Variants in DIS3 observed in about 807,000 individuals in gnomAD.
DIS3 encodes the protein DIS3 exosome endoribonuclease and 3'-5' exoribonuclease.
A neutral mutation model predicts 113.0 loss-of-function variants in DIS3; 103 were observed. That is an observed-to-expected ratio of 0.91 (90% confidence interval 0.78 to 1.07). The LOEUF (loss-of-function observed/expected upper bound fraction) is 1.07, where lower values mean the gene tolerates loss of function less well. DIS3 is among the 50% of genes least tolerant of loss of function. The pLI is 0.00. For missense variants in DIS3, 1,121 were observed against 1,167.1 expected (o/e 0.96, Z 0.58); for synonymous variants, 402 against 394.3 (o/e 1.02, Z -0.23).
Position 72,754,988 on chromosome 13 carries a change from C to G in DIS3, c.*4807G>C. The G allele has an allele frequency of 1.7e-6, 1 of 583,550 alleles. No homozygotes were observed. The highest frequency in any genetic ancestry group is 3.0e-6 in the Non-Finnish European group (1 of 335,154). The allele number at this position is 583,550 out of a possible 1,614,324, so 36.1% of individuals were successfully genotyped here. A position where few individuals can be genotyped will look rare whatever the true frequency, so the allele number is the denominator to read the frequency against. The stretch of plus-strand genomic sequence containing the variant: ...CTTGGCCTCTCAAAGTGTTGGGATG[C>G]TTTTTGATGCAGAATATTGATTTAT... On this transcript the variant is annotated 3_prime_UTR_variant, in exon 21 of 21. Coordinates refer to ENST00000377767, the MANE Select transcript of DIS3 (RefSeq NM_014953.5).
At chr13:72,775,827 C>A in intron 5 of DIS3, 98 bp downstream of exon 5, 1 of 1,046,710 alleles carries the variant, frequency 9.6e-7, no homozygotes, top group Non-Finnish European at 1.3e-6. Context: ...GTATGTGAAG[C>A]CTCATATGTT....
At chr13:72,781,513 G>T in intron 1 of DIS3, 92 bp downstream of exon 1, 1 of 1,438,210 alleles carries the variant, frequency 7.0e-7, no homozygotes, top group Non-Finnish European at 9.2e-7. Flanking sequence ...ATGTGACACT[G>T]CCAAAGACCC....
At chr13:72,768,595 G>A (rs982374915) in intron 14 of DIS3, among the ~76,000 whole-genome samples, 190 bp downstream of exon 14, 4 of 152,182 alleles carry the variant, frequency 2.6e-5, no homozygotes, top group Admixed American at 2.6e-4. Context: ...AGTCAGCCGA[G>A]ATTGTGCCAT....
At chr13:72,773,854 A>G in intron 7 of DIS3, 33 bp from the exon 8 acceptor site, 1 of 1,597,230 alleles carries the variant, frequency 6.3e-7, no homozygotes, top group Non-Finnish European at 8.5e-7. Flanking sequence ...ATTTTACACA[A>G]AAAAAATCTG....
Position 72,781,731 on chromosome 13 carries a change from G to T in DIS3, c.102C>A (p.Pro34=). 1 of 1,586,234 alleles carries T rather than the reference G, an allele frequency of 6.3e-7. No individual in the cohort carries two copies. Residue 34 remains proline (P), a synonymous_variant, in exon 1 of 21, where the codon CCC becomes CCA. Coordinates refer to ENST00000377767, the MANE Select transcript of DIS3 (RefSeq NM_014953.5). ...YLRDDIGCGA[P]GCAACGGAHE... The stretch of plus-strand genomic sequence containing the variant: ...GCGCCCCTCCACACGCTGCGCACCC[G>T]GGCGCACCGCAGCCGATGTCGTCTC...
At chr13:72,764,401 C>A (rs990949484) in intron 15 of DIS3, among the ~76,000 whole-genome samples, 3 of 152,122 alleles carry the variant, frequency 2.0e-5, no homozygotes, top group Admixed American at 6.5e-5. Flanking sequence ...TGGATACTTA[C>A]AATGGGTCAG....
rs1330858013 is a variant in DIS3 at position 72,780,916 on chromosome 13, A to G, written c.316T>C (p.Tyr106His). Residue 106 changes from tyrosine to histidine, a missense_variant, in exon 2 of 21, where the codon TAT becomes CAT. Tyr to His is a moderately conservative substitution (Grantham distance 83, BLOSUM62 2). Coordinates refer to ENST00000377767, the MANE Select transcript of DIS3 (RefSeq NM_014953.5). ...QEVRNRSAPV[Y>H]KRIRDVTNNQ... Reference sequence around the variant, plus strand: ...TTAGTCACATCTCGGATGCGTTTATATACGGGGGCACTGCGATTTCTCACT... The same window carrying G: ...TTAGTCACATCTCGGATGCGTTTATGTACGGGGGCACTGCGATTTCTCACT... The G allele has an allele frequency of 6.2e-7, 1 of 1,613,384 alleles. No homozygotes were observed. The highest frequency in any genetic ancestry group is 2.2e-5 in the East Asian group (1 of 44,852).
chr13:72,775,868 TAA>T (rs1178574751), intron 5 of DIS3, 55 bp downstream of exon 5: 1 of 1,388,158 alleles, frequency 7.2e-7, no homozygotes, highest in Non-Finnish European at 9.8e-7. Context: ...TAAGTGTTCA[TAA>T]TATATAAAAT....
In DIS3 at chr13:72,781,813, A is replaced by G; in HGVS notation, c.20T>C (p.Phe7Ser). 6.2e-7 allele frequency: 1 copy of G among 1,601,120 alleles called. No individual in the cohort carries two copies. Among genetic ancestry groups the G allele is most frequent in the South Asian group, 1.1e-5 (1 of 89,210 alleles). The change falls in exon 1 of 21, where the codon TTC (phenylalanine) becomes TCC (serine). Residue 7 changes from phenylalanine to serine, a missense_variant. Coordinates refer to ENST00000377767, the MANE Select transcript of DIS3 (RefSeq NM_014953.5). MLKSKT[F>S]LKKTRAGGVM... ...GCCGCCCGCCCGGGTCTTTTTTAAG[A>G]ACGTCTTGGACTTGAGCATCTTGCC...
chr13:72,781,468 G>T, intron 1 of DIS3, 137 bp downstream of exon 1: 1 of 1,443,936 alleles, frequency 6.9e-7, no homozygotes, highest in East Asian at 2.5e-5. Context: ...GGAACAGGAA[G>T]CTTCGGTCCC....
At chr13:72,778,073 T>G in intron 3 of DIS3, 114 bp downstream of exon 3, 1 of 920,894 alleles carries the variant, frequency 1.1e-6, no homozygotes, top group Non-Finnish European at 1.5e-6. Flanking sequence ...CACATGAAGT[T>G]ATATAGGACT....
chr13:72,761,538 A>G lies in DIS3; in HGVS notation c.2512-17T>C. ...GAAGAATAACTGTAAAATAACATAC[A>G]ACTTATTTAAATTGTCTTAAAAATT... On this transcript the variant is annotated splice_polypyrimidine_tract_variant and intron_variant, in intron 18 of 20. Transcript: ENST00000377767. 1 of 1,551,028 alleles carries G rather than the reference A, an allele frequency of 6.4e-7. No homozygotes were observed. Among genetic ancestry groups the G allele is most frequent in the Admixed American group, 2.2e-5 (1 of 45,558 alleles).
chr13:72,776,705 A>G (rs1386027689), intron 4 of DIS3, among the ~76,000 whole-genome samples: 1 of 152,200 alleles, frequency 6.6e-6, no homozygotes, highest in East Asian at 1.9e-4. Context: ...ATTGCTAAAC[A>G]TTATATATTT....
At chr13:72,761,571 A>C in intron 18 of DIS3, 50 bp from the exon 19 acceptor site, 1 of 1,524,016 alleles carries the variant, frequency 6.6e-7, no homozygotes, top group African/African-American at 1.4e-5. Flanking sequence ...ATTTTTAAAT[A>C]AACAAAAAAT....
In DIS3 at chr13:72,771,711, A is replaced by T. The variant is rs2033889550; in HGVS notation, c.1605+84T>A. 8 of 1,321,652 alleles carry T rather than the reference A, an allele frequency of 6.1e-6. No individual in the cohort carries two copies. The Admixed American group carries it at 1.7e-4, about 28-fold the overall frequency. 81.9% of individuals were successfully genotyped at this position (1,321,652 alleles called of 1,614,324 possible). Reference sequence around the variant, plus strand: ...TAGTGATTTAAAGCCACATTATTCCATGTATTTTTCTTAGCTAATTCATGG... The same window carrying T: ...TAGTGATTTAAAGCCACATTATTCCTTGTATTTTTCTTAGCTAATTCATGG... On this transcript the variant is annotated intron_variant, in intron 11 of 20. Transcript: ENST00000377767.
rs1443249545 is a variant in DIS3, at chr13:72,759,295, A to G, written c.*500T>C. 4.8e-6 allele frequency: 1 copy of G among 207,326 alleles called. No individual in the cohort carries two copies. Among genetic ancestry groups the G allele is most frequent in the African/African-American group, 2.3e-5 (1 of 44,094 alleles). 12.8% of individuals were successfully genotyped at this position (207,326 alleles called of 1,614,324 possible). A position where few individuals can be genotyped will look rare whatever the true frequency, so the allele number is the denominator to read the frequency against. Reference sequence around the variant, plus strand: ...ATACAGGAAGCTTTTAAAGACAGTAAGAGAACACCTAGTGTAAGTTAGGTG... The same window carrying G: ...ATACAGGAAGCTTTTAAAGACAGTAGGAGAACACCTAGTGTAAGTTAGGTG... On this transcript the variant is annotated 3_prime_UTR_variant, in exon 21 of 21. Coordinates refer to ENST00000377767, the MANE Select transcript of DIS3 (RefSeq NM_014953.5).
At chr13:72,763,680 G>A (rs2033682976) in intron 15 of DIS3, 73 bp from the exon 16 acceptor site, 4 of 1,381,554 alleles carry the variant, frequency 2.9e-6, no homozygotes, top group African/African-American at 2.9e-5. Context: ...TTTTTCACAG[G>A]TTACCTTTGT....
intron 5 of DIS3, 149 bp downstream of exon 5, chr13:72,775,776 A>C: frequency 1.5e-6 from 1 of 675,782 alleles, no homozygotes; most frequent in Non-Finnish European, 2.3e-6. Flanking sequence ...AATTGTGAGC[A>C]CTGCAAAAAA....
chr13:72,773,244 G>A (rs9600023), intron 8 of DIS3, among the ~76,000 whole-genome samples: 142 of 152,248 alleles, frequency 9.3e-4, no homozygotes, highest in Non-Finnish European at 1.6e-3. Context: ...AGGCTGAGGT[G>A]GGTGGATCAC....
Sources: allele counts gnomAD v4.1 joint callset (sites outside exome capture counted in the v4.1 genomes callset), GRCh38; gene constraint gnomAD v4.1.1; transcripts MANE v1.5; gene names NCBI Gene and HGNC (gene_info 2026-07-23, HGNC 2026-07-21).